The following PAM variants were observed in gnomAD, a reference collection of about 807,000 sequenced individuals.
PAM encodes the protein peptidylglycine alpha-amidating monooxygenase.
Under a neutral mutation model 122.1 loss-of-function variants are expected in PAM, and 72 were observed. The observed-to-expected ratio is 0.59, with a 90% CI of 0.49 to 0.72. The LOEUF (loss-of-function observed/expected upper bound fraction) is 0.72. Among genes scored for constraint, PAM ranks in the 30% least tolerant of loss-of-function variants. The probability of loss-of-function intolerance (pLI) is 0.00; values close to 1 mark genes in which losing one functional copy is unlikely to be tolerated. For synonymous variants in PAM, 389 were observed against 404.4 expected (o/e 0.96, Z 0.46); for missense variants, 1,106 against 1,183.7 (o/e 0.93, Z 0.96).
chr5:102,979,999 A>G (rs1316477149), intron 15 of PAM, among the ~76,000 whole-genome samples: 1 of 152,094 alleles, frequency 6.6e-6, no homozygotes, highest in Non-Finnish European at 1.5e-5. Context: ...ATCATCTTTT[A>G]GAAACAAAAA....
intron 15 of PAM, among the ~76,000 whole-genome samples, chr5:102,979,683 T>C (rs894134543): frequency 1.3e-4 from 20 of 152,126 alleles, no homozygotes; most frequent in Admixed American, 6.5e-5. Flanking sequence ...CAAATACTTA[T>C]TAATAATTTC....
At chr5:102,968,600 T>A (rs1454585250) in intron 14 of PAM, among the ~76,000 whole-genome samples, 1 of 152,210 alleles carries the variant, frequency 6.6e-6, no homozygotes, top group African/African-American at 2.4e-5. Context: ...CGTCTCCATT[T>A]TTCTAGGACT....
rs1195392580 is a variant in PAM, at chr5:102,977,658, G to GCGCGCA, written c.1483+3223_1483+3224insGCGCAC. Reference sequence around the variant, plus strand: ...CTTCCCAACACACACATGCATGTGCGCACACACACACACACACACACACAC... The same window carrying GCGCGCA: ...CTTCCCAACACACACATGCATGTGCGCGCGCACACACACACACACACACACACACAC... On this transcript the variant is annotated intron_variant, in intron 15 of 25. Coordinates refer to ENST00000438793, the MANE Select transcript of PAM (RefSeq NM_001177306.2). 2.8e-5 allele frequency among the ~76,000 whole-genome samples: 4 copies of GCGCGCA among 142,932 alleles called. No individual in the cohort carries two copies. The South Asian group carries it at 7.1e-4, about 25-fold the overall frequency. 93.8% of individuals were successfully genotyped at this position (142,932 alleles called of 152,430 possible).
chr5:102,777,328 T>C (rs2149815656), intron 1 of PAM, among the ~76,000 whole-genome samples: 1 of 152,188 alleles, frequency 6.6e-6, no homozygotes. Flanking sequence ...TTGATTGTTT[T>C]GCCCTGCTCT....
intron 1 of PAM, among the ~76,000 whole-genome samples, chr5:102,857,807 G>T (rs1181952476): frequency 6.6e-6 from 1 of 152,174 alleles, no homozygotes; most frequent in African/African-American, 2.4e-5. Context: ...TATAGTAATT[G>T]CTCAATAAAC....
chr5:102,761,256 A>G (rs1186554954), intron 1 of PAM, among the ~76,000 whole-genome samples: 1 of 152,220 alleles, frequency 6.6e-6, no homozygotes, highest in African/African-American at 2.4e-5. Context: ...TTAAAGTACA[A>G]CTTTAAATGA....
At chr5:102,964,953 C>T (rs1354397353) in intron 14 of PAM, among the ~76,000 whole-genome samples, 2 of 151,642 alleles carry the variant, frequency 1.3e-5, no homozygotes, top group African/African-American at 4.8e-5. Flanking sequence ...ATTATGTCTG[C>T]CTACAGGGAG....
At chr5:102,819,145 C>A (rs1330384441) in intron 1 of PAM, among the ~76,000 whole-genome samples, 2 of 152,132 alleles carry the variant, frequency 1.3e-5, no homozygotes, top group Non-Finnish European at 2.9e-5. Flanking sequence ...TCAAACAGAT[C>A]CTGAAACCCT....
intron 12 of PAM, among the ~76,000 whole-genome samples, chr5:102,956,224 A>G (rs954770899): frequency 4.6e-5 from 7 of 152,138 alleles, no homozygotes; most frequent in African/African-American, 1.4e-4. Flanking sequence ...AGGCAAACAC[A>G]TTTATATGTG....
At chr5:102,757,022 A>C (rs1459248993) in intron 1 of PAM, among the ~76,000 whole-genome samples, 1 of 152,314 alleles carries the variant, frequency 6.6e-6, no homozygotes, top group Non-Finnish European at 1.5e-5. Context: ...ATGCATTATC[A>C]AAGGCCCTTT....
chr5:102,862,169 C>CAAAA (rs57758540), intron 1 of PAM, among the ~76,000 whole-genome samples: 6 of 70,302 alleles, frequency 8.5e-5, no homozygotes, highest in Non-Finnish European at 1.8e-4. Flanking sequence ...GACCCTGTCT[C>CAAAA]AAAAAAAAAA....
intron 12 of PAM, among the ~76,000 whole-genome samples, chr5:102,952,287 G>C (rs534034146): frequency 5.3e-5 from 8 of 152,234 alleles, no homozygotes; most frequent in Admixed American, 3.3e-4. Flanking sequence ...ATCTGCCATA[G>C]AAATTAATGA....
At chr5:102,756,448 T>C (rs187251475) in intron 1 of PAM, among the ~76,000 whole-genome samples, 1 of 152,208 alleles carries the variant, frequency 6.6e-6, no homozygotes, top group Non-Finnish European at 1.5e-5. Flanking sequence ...TTTGTTTGCT[T>C]CAGATGTTTT....
At chr5:102,987,213 G>T (rs1261049078) in intron 15 of PAM, among the ~76,000 whole-genome samples, 4 of 152,172 alleles carry the variant, frequency 2.6e-5, no homozygotes, top group African/African-American at 9.7e-5. Flanking sequence ...ATACTATTCA[G>T]CCATAAAAGA....
At chr5:102,978,303 T>C (rs1768452206) in intron 15 of PAM, among the ~76,000 whole-genome samples, 1 of 152,190 alleles carries the variant, frequency 6.6e-6, no homozygotes, top group African/African-American at 2.4e-5. Context: ...GCATGTGATA[T>C]ATGACATACA....
chr5:102,898,425 T>C (rs1388289225), intron 3 of PAM, among the ~76,000 whole-genome samples: 3 of 151,636 alleles, frequency 2.0e-5, no homozygotes, highest in South Asian at 2.1e-4. Flanking sequence ...GGTTGAATTA[T>C]AGAAGCATCC....
chr5:102,991,359 A>G (rs1166260888), intron 16 of PAM, among the ~76,000 whole-genome samples: 4 of 152,214 alleles, frequency 2.6e-5, no homozygotes, highest in African/African-American at 9.6e-5. Context: ...TTAAGTAATG[A>G]ATAGCCATTA....
chr5:102,771,396 A>AT (rs1755750987), intron 1 of PAM, among the ~76,000 whole-genome samples: 1 of 152,094 alleles, frequency 6.6e-6, no homozygotes, highest in Non-Finnish European at 1.5e-5. Flanking sequence ...ATTGAAGTTT[A>AT]TTGTTAGTGC....
chr5:102,935,848 C>T (rs1375020625), intron 7 of PAM, among the ~76,000 whole-genome samples: 1 of 152,138 alleles, frequency 6.6e-6, no homozygotes, highest in Admixed American at 6.6e-5. Flanking sequence ...CTGCACCAGA[C>T]TGTCCTTGGG....
Sources: gnomAD v4.1 joint callset for allele counts (sites outside exome capture counted in the v4.1 genomes callset) on GRCh38, gnomAD v4.1.1 for gene constraint, MANE v1.5 for transcripts, NCBI Gene and HGNC (gene_info 2026-07-23, HGNC 2026-07-21) for gene names.